SNX29: variants seen among roughly 807,000 people sequenced by gnomAD.
The protein encoded by SNX29 is sorting nexin 29.
In SNX29, 78 loss-of-function variants were observed where a neutral mutation model predicts 102.1. That is an observed-to-expected ratio of 0.76 (90% CI 0.64 to 0.92). The LOEUF (loss-of-function observed/expected upper bound fraction) is 0.92, where lower values mean the gene tolerates loss of function less well. SNX29 is among the 40% of genes least tolerant of loss of function. SNX29 has a pLI of 0.00. For missense variants in SNX29, 1,280 were observed against 1,061.7 expected, an observed-to-expected ratio of 1.21 and a Z score of -2.86; for synonymous variants, 580 against 414.5, an observed-to-expected ratio of 1.40 and a Z score of -4.85.
chr16:12,411,035 A>G (rs553550658), intron 18 of SNX29, among the ~76,000 whole-genome samples: 2 of 152,356 alleles, frequency 1.3e-5, no homozygotes, highest in African/African-American at 4.8e-5. Context: ...TAAGTAGAGA[A>G]AGATGAAATG....
chr16:12,155,342 G>T (rs1251026422), intron 13 of SNX29, among the ~76,000 whole-genome samples: 1 of 152,130 alleles, frequency 6.6e-6, no homozygotes, highest in African/African-American at 2.4e-5. Flanking sequence ...AGAAGAACAG[G>T]CGCAATTTAG....
At chr16:12,223,743 C>A (rs1359390846) in intron 14 of SNX29, among the ~76,000 whole-genome samples, 1 of 152,180 alleles carries the variant, frequency 6.6e-6, no homozygotes, top group Admixed American at 6.5e-5. Context: ...GGGCCCAGCG[C>A]TTCTGCATGT....
chr16:12,572,035 C>CAGT lies in SNX29; in HGVS notation c.*3407_*3409dup. The CAGT allele has an allele frequency of 9.4e-7, 1 of 1,063,310 alleles. No individual in the cohort carries two copies. The highest frequency in any genetic ancestry group is 1.1e-6 in the Non-Finnish European group (1 of 878,046). 65.9% of individuals were successfully genotyped at this position (1,063,310 alleles called of 1,614,324 possible). On this transcript the variant is annotated 3_prime_UTR_variant, in exon 21 of 21. Transcript: ENST00000566228. Reference sequence around the variant, plus strand: ...GCTGCTGGCTATAAAAGGGATCATCCAGTGGAGTTGTAAACAAGGGAACCA... The same window carrying CAGT: ...GCTGCTGGCTATAAAAGGGATCATCCAGTAGTGGAGTTGTAAACAAGGGAACCA...
intron 14 of SNX29, among the ~76,000 whole-genome samples, chr16:12,209,655 G>T (rs145229897): frequency 2.0e-3 from 306 of 152,276 alleles, no homozygotes; most frequent in African/African-American, 7.1e-3. Flanking sequence ...GTGTTTGACT[G>T]CTCTATAGTC....
intron 3 of SNX29, among the ~76,000 whole-genome samples, chr16:12,010,672 A>T (rs2056619175): frequency 6.6e-6 from 1 of 152,194 alleles, no homozygotes; most frequent in Non-Finnish European, 1.5e-5. Flanking sequence ...ATGAACTTTC[A>T]GGTGACTGTC....
intron 13 of SNX29, among the ~76,000 whole-genome samples, chr16:12,130,449 T>C (rs1450593795): frequency 3.5e-5 from 4 of 113,530 alleles, no homozygotes; most frequent in African/African-American, 7.1e-5. Flanking sequence ...CACTCCAGCC[T>C]GGGCGACAGA....
intron 20 of SNX29, among the ~76,000 whole-genome samples, chr16:12,563,514 G>C (rs149549916): frequency 2.6e-5 from 4 of 152,194 alleles, no homozygotes; most frequent in African/African-American, 9.7e-5. Context: ...ACTCCTCCCC[G>C]CATGTGAAAA....
chr16:12,500,916 C>T (rs760080724), intron 19 of SNX29, among the ~76,000 whole-genome samples: 3 of 152,196 alleles, frequency 2.0e-5, no homozygotes, highest in Non-Finnish European at 4.4e-5. Context: ...CAGTGGAGGG[C>T]ACCTGTTGCT....
intron 18 of SNX29, chr16:12,443,062 C>T (rs561153475): frequency 2.2e-6 from 1 of 455,780 alleles, no homozygotes; most frequent in East Asian, 6.9e-5. Flanking sequence ...GGCCAGGCGT[C>T]CAGCCTGGTT....
chr16:12,055,192 C>T (rs535184689), intron 8 of SNX29, among the ~76,000 whole-genome samples: 4 of 151,292 alleles, frequency 2.6e-5, no homozygotes, highest in African/African-American at 7.3e-5. Context: ...ATCTGTACCT[C>T]TAACTCCATT....
chr16:12,258,320 A>G (rs1198655192), intron 14 of SNX29, among the ~76,000 whole-genome samples: 2 of 152,162 alleles, frequency 1.3e-5, no homozygotes, highest in Non-Finnish European at 2.9e-5. Flanking sequence ...TCCCGGAAGA[A>G]GTCCCGCGTT....
chr16:12,469,345 A>G (rs966660509), intron 18 of SNX29, among the ~76,000 whole-genome samples: 3 of 152,236 alleles, frequency 2.0e-5, no homozygotes, highest in African/African-American at 7.2e-5. Flanking sequence ...TATAGTTAAT[A>G]ACACATGAAG....
At chr16:12,116,733 GCTTAGTCAATA>G (rs1403076665) in intron 11 of SNX29, among the ~76,000 whole-genome samples, 1 of 152,148 alleles carries the variant, frequency 6.6e-6, no homozygotes, top group Non-Finnish European at 1.5e-5. Flanking sequence ...GTGGAAACAG[GCTTAGTCAATA>G]CATGCTTCAA....
intron 2 of SNX29, among the ~76,000 whole-genome samples, 200 bp downstream of exon 2, chr16:11,999,558 G>T (rs1340143650): frequency 6.6e-6 from 1 of 152,182 alleles, no homozygotes; most frequent in Non-Finnish European, 1.5e-5. Context: ...CCTGTGTCTT[G>T]AATTCCCAAA....
chr16:12,454,999 C>T (rs762836617), intron 18 of SNX29, among the ~76,000 whole-genome samples: 4 of 152,190 alleles, frequency 2.6e-5, no homozygotes, highest in African/African-American at 4.8e-5. Context: ...CCACCCGCCT[C>T]GGCCTCCCAA....
At chr16:12,342,414 A>C (rs1011692900) in intron 15 of SNX29, among the ~76,000 whole-genome samples, 1 of 152,006 alleles carries the variant, frequency 6.6e-6, no homozygotes, top group African/African-American at 2.4e-5. Flanking sequence ...GCTGTGTAGA[A>C]ACAATGGCTG....
At chr16:12,345,643 A>G (rs2081775366) in intron 15 of SNX29, among the ~76,000 whole-genome samples, 1 of 152,194 alleles carries the variant, frequency 6.6e-6, no homozygotes, top group African/African-American at 2.4e-5. Context: ...GAGGAGGTGG[A>G]TGAATGGATC....
intron 18 of SNX29, among the ~76,000 whole-genome samples, chr16:12,441,281 G>C (rs1270184745): frequency 6.6e-6 from 1 of 151,730 alleles, no homozygotes; most frequent in African/African-American, 2.4e-5. Flanking sequence ...GTAGAGACGG[G>C]GTTTCACTGT....
rs76991186 is a variant in SNX29 at position 12,098,376 on chromosome 16, C to G, written c.1402+19461C>G. On this transcript the variant is annotated intron_variant, in intron 11 of 20. Coordinates refer to ENST00000566228, the MANE Select transcript of SNX29 (RefSeq NM_032167.5). This position sits in a 1 kb window ranked among gnomAD's most constrained non-coding sequence, Gnocchi z 6.0. The stretch of plus-strand genomic sequence containing the variant: ...GCCACCTTGCTCCCCGTCCAGGACT[C>G]TAACCATTGGAGTTCACCTTCTGGA... Among the ~76,000 whole-genome samples, 3,342 of 152,320 alleles carry G rather than the reference C, an allele frequency of 0.022. 121 individuals carry two copies. The highest frequency in any genetic ancestry group is 0.072 in the African/African-American group (3,004 of 41,568).
Sources: allele counts gnomAD v4.1 joint callset (sites outside exome capture counted in the v4.1 genomes callset), GRCh38; gene constraint gnomAD v4.1.1; non-coding constraint Gnocchi (gnomAD v3.1); transcripts MANE v1.5; gene names NCBI Gene and HGNC (gene_info 2026-07-23, HGNC 2026-07-21).